LAMA2: variants seen among roughly 807,000 people sequenced by gnomAD.
LAMA2 encodes laminin subunit alpha-2.
Under a neutral mutation model 364.8 loss-of-function variants are expected in LAMA2, and 269 were observed. The ratio of observed to expected loss-of-function variants is 0.74; its 90% CI spans 0.67 to 0.82. LAMA2 has a LOEUF of 0.82. Among genes scored for constraint, LAMA2 ranks in the 40% least tolerant of loss-of-function variants. The pLI is 0.00. For missense variants in LAMA2, 3,807 were observed against 3,873.2 expected (o/e 0.98, Z 0.45); for synonymous variants, 1,379 against 1,370.6 (o/e 1.01, Z -0.14).
intron 49 of LAMA2, among the ~76,000 whole-genome samples, chr6:129,462,553 T>G (rs907910234): frequency 2.0e-5 from 3 of 152,028 alleles, no homozygotes; most frequent in Non-Finnish European, 4.4e-5. Context: ...ATATGTATAC[T>G]GAAATAATCC....
chr6:129,137,745 G>T (rs1160868313), intron 4 of LAMA2, among the ~76,000 whole-genome samples: 1 of 152,036 alleles, frequency 6.6e-6, no homozygotes, highest in African/African-American at 2.4e-5. Context: ...ATAGTATTTG[G>T]GGACTGCTAT....
At position 129,252,187 on chromosome 6, in the gene LAMA2, A is replaced by G; in HGVS notation, c.1988A>G (p.His663Arg). ...LLLKEESFTI[H>R]GTHFPVRRKE... is the part of the protein sequence containing the mutation. The stretch of plus-strand genomic sequence containing the variant: ...CTTAAAGAAGAATCATTTACCATAC[A>G]TGGCACACATTTTCCAGTCCGTAGA... The change falls in exon 14 of 65, where the codon CAT becomes CGT. Residue 663 changes from histidine (H) to arginine (R), a missense_variant. His to Arg is a conservative substitution (Grantham distance 29). Transcript: ENST00000421865. 1.2e-6 allele frequency: 2 copies of G among 1,613,652 alleles called. No homozygotes were observed. The highest frequency in any genetic ancestry group is 1.7e-6 in the Non-Finnish European group (2 of 1,179,580).
At chr6:129,167,319 A>G (rs1425026404) in intron 9 of LAMA2, among the ~76,000 whole-genome samples, 1 of 59,098 alleles carries the variant, frequency 1.7e-5, no homozygotes. Flanking sequence ...CCCTCCCCCC[A>G]CCCCACAACA....
intron 20 of LAMA2, among the ~76,000 whole-genome samples, chr6:129,295,381 A>C (rs540036846): frequency 9.9e-5 from 15 of 152,132 alleles, no homozygotes; most frequent in African/African-American, 3.4e-4. Flanking sequence ...ACAGTTTCTC[A>C]CTGGGTCTGG....
intron 10 of LAMA2, among the ~76,000 whole-genome samples, chr6:129,184,627 C>T (rs944530131): frequency 2.0e-5 from 3 of 151,822 alleles, no homozygotes; most frequent in Admixed American, 6.6e-5. Context: ...CCCTACCTAC[C>T]CCTGATGTCT....
At chr6:129,010,582 A>G (rs1784706355) in intron 1 of LAMA2, among the ~76,000 whole-genome samples, 1 of 152,264 alleles carries the variant, frequency 6.6e-6, no homozygotes, top group Non-Finnish European at 1.5e-5. Context: ...TAAGGTCATA[A>G]CGTGAAATTG....
rs1781044860 is a variant in LAMA2, at chr6:128,954,812, C to T, written c.112+71455C>T. Among the ~76,000 whole-genome samples the T allele has an allele frequency of 2.0e-5, 3 of 151,890 alleles. No homozygotes were observed. The South Asian group carries it at 6.2e-4, about 31-fold the overall frequency. ...GGCAGAGAAGTATTCTACAATGAAA[C>T]ACTAGATTGCATAAGATAAGCCTGT... On this transcript the variant is annotated intron_variant, in intron 1 of 64. Coordinates refer to ENST00000421865, the MANE Select transcript of LAMA2 (RefSeq NM_000426.4).
rs61014931 is a variant in LAMA2, at chr6:129,064,363, C to CA, written c.396+4482dup. ...AACCTAAGGTTACATTTCAAGAAAG[C>CA]AAAAAAAAAAAAAAATGAAGAAAAG... On this transcript the variant is annotated intron_variant, in intron 3 of 64. Coordinates refer to ENST00000421865, the MANE Select transcript of LAMA2 (RefSeq NM_000426.4). Among the ~76,000 whole-genome samples, 534 of 117,508 alleles carry CA rather than the reference C, an allele frequency of 4.5e-3. 3 individuals carry two copies. Among genetic ancestry groups the CA allele is most frequent in the African/African-American group, 0.016 (508 of 32,334 alleles). The allele number at this position is 117,508 out of a possible 152,430, so 77.1% of individuals were successfully genotyped here.
At chr6:129,187,657 A>G (rs1781306965) in intron 10 of LAMA2, among the ~76,000 whole-genome samples, 1 of 151,818 alleles carries the variant, frequency 6.6e-6, no homozygotes, top group Non-Finnish European at 1.5e-5. Context: ...AGTATCCCTT[A>G]TCCAAAATGC....
intron 1 of LAMA2, among the ~76,000 whole-genome samples, chr6:128,917,667 T>A (rs1747470179): frequency 6.6e-6 from 1 of 151,580 alleles, no homozygotes; most frequent in African/African-American, 2.4e-5. Flanking sequence ...TTCTCTTTAT[T>A]TTATACTCTC....
At chr6:129,225,162 G>A (rs1662668169) in intron 12 of LAMA2, among the ~76,000 whole-genome samples, 1 of 152,178 alleles carries the variant, frequency 6.6e-6, no homozygotes. Flanking sequence ...TTGTATTTCT[G>A]TGGGATCGGT....
rs577348870 is a variant in LAMA2, at chr6:129,451,182, A to C, written c.6430-1806A>C. On this transcript the variant is annotated intron_variant, in intron 45 of 64. Transcript: ENST00000421865. ...TTTGCCATATTAACATCCAAGTAAA[A>C]ATTGTACATTTCCTACCTCCATTGT... 4.4e-4 allele frequency among the ~76,000 whole-genome samples: 67 copies of C among 152,260 alleles called. 2 individuals carry two copies. The highest frequency in any genetic ancestry group is 5.8e-4 in the East Asian group (3 of 5,182).
chr6:129,095,958 G>A (rs746904093), intron 3 of LAMA2, among the ~76,000 whole-genome samples: 1 of 151,678 alleles, frequency 6.6e-6, no homozygotes, highest in Non-Finnish European at 1.5e-5. Flanking sequence ...AGAGGCCCTG[G>A]CCTCCACAAG....
At chr6:129,072,984 T>A (rs1394584186) in intron 3 of LAMA2, among the ~76,000 whole-genome samples, 1 of 152,184 alleles carries the variant, frequency 6.6e-6, no homozygotes, top group Non-Finnish European at 1.5e-5. Context: ...TTATTTCTGT[T>A]AGTAAACTTC....
At chr6:129,075,509 G>A (rs1489363611) in intron 3 of LAMA2, among the ~76,000 whole-genome samples, 7 of 152,208 alleles carry the variant, frequency 4.6e-5, no homozygotes, top group Admixed American at 3.9e-4. Context: ...TGAGATAAGT[G>A]TGAAAACTAG....
chr6:129,452,506 C>T (rs889817633), intron 45 of LAMA2, among the ~76,000 whole-genome samples: 1 of 152,092 alleles, frequency 6.6e-6, no homozygotes, highest in Admixed American at 6.6e-5. Flanking sequence ...TATTTGTCCT[C>T]TTTCAACTGT....
intron 63 of LAMA2, among the ~76,000 whole-genome samples, chr6:129,513,416 G>C (rs1444614582): frequency 6.6e-6 from 1 of 152,144 alleles, no homozygotes; most frequent in African/African-American, 2.4e-5. Flanking sequence ...CTTAAGGGCA[G>C]TTACCATCGA....
intron 16 of LAMA2, among the ~76,000 whole-genome samples, chr6:129,269,119 G>A (rs969685386): frequency 6.6e-6 from 1 of 151,952 alleles, no homozygotes; most frequent in Admixed American, 6.6e-5. Context: ...TAAATTATCT[G>A]AAAAATATTT....
chr6:129,118,263 G>A (rs1329830815), intron 4 of LAMA2, among the ~76,000 whole-genome samples: 1 of 152,100 alleles, frequency 6.6e-6, no homozygotes, highest in Non-Finnish European at 1.5e-5. Flanking sequence ...AACTGCACTG[G>A]ATTTGAAGTA....
Sources: allele counts gnomAD v4.1 joint callset (sites outside exome capture counted in the v4.1 genomes callset), GRCh38; gene constraint gnomAD v4.1.1; transcripts MANE v1.5; gene names NCBI Gene and HGNC (gene_info 2026-07-23, HGNC 2026-07-21).